The following NLRP1 variants were observed in gnomAD, a reference collection of about 807,000 sequenced individuals.
NLRP1 encodes the protein NLR family pyrin domain containing 1.
In NLRP1, 94 loss-of-function variants were observed where a neutral mutation model predicts 136.7. That is an observed-to-expected ratio of 0.69 (90% confidence interval 0.58 to 0.82). NLRP1 has a LOEUF of 0.82. Among genes scored for constraint, NLRP1 ranks in the 40% least tolerant of loss-of-function variants. NLRP1 has a pLI of 0.00. For synonymous variants in NLRP1, 690 were observed against 725.1 expected, an observed-to-expected ratio of 0.95 and a Z score of 0.78; for missense variants, 1,575 against 1,802.7, an observed-to-expected ratio of 0.87 and a Z score of 2.29.
At chr17:5,524,817 G>C (rs1909325478) in intron 12 of NLRP1, among the ~76,000 whole-genome samples, 1 of 152,202 alleles carries the variant, frequency 6.6e-6, no homozygotes, top group South Asian at 2.1e-4. Flanking sequence ...AGAAGGTGCT[G>C]GGTGTCTCCA....
intron 14 of NLRP1, among the ~76,000 whole-genome samples, chr17:5,520,582 A>G (rs1451588447): frequency 1.3e-5 from 2 of 152,166 alleles, no homozygotes; most frequent in East Asian, 1.9e-4. Flanking sequence ...AGTATGTTCA[A>G]CTACAGGTTT....
chr17:5,523,469 C>T (rs760568015), intron 12 of NLRP1, among the ~76,000 whole-genome samples: 28 of 152,152 alleles, frequency 1.8e-4, no homozygotes, highest in Non-Finnish European at 4.4e-5. Context: ...ACTATCTTCC[C>T]CCCCGCTTAG....
chr17:5,502,905 A>C (rs1907159453), intron 15 of NLRP1: 1 of 152,156 alleles, frequency 6.6e-6, no homozygotes, highest in African/African-American at 2.4e-5. Context: ...GAAGAGTGTC[A>C]AGGGTGGAAT....
chr17:5,582,142 C>G lies in NLRP1; in HGVS notation c.449-80G>C, dbSNP rs1018931969. Reference sequence around the variant, plus strand: ...GTGCATATATTTTAAACTCTCACAACAGTCCTGAGAGATGGGTCTTAATAA... The same window carrying G: ...GTGCATATATTTTAAACTCTCACAAGAGTCCTGAGAGATGGGTCTTAATAA... On this transcript the variant is annotated intron_variant, in intron 2 of 16. Transcript: ENST00000572272. 2.4e-5 allele frequency: 27 copies of G among 1,138,602 alleles called. No homozygotes were observed. In the South Asian group the frequency reaches 3.5e-4, roughly 15 times the overall value. The allele number at this position is 1,138,602 out of a possible 1,614,324, so 70.5% of individuals were successfully genotyped here. A position where few individuals can be genotyped will look rare whatever the true frequency, so the allele number is the denominator to read the frequency against.
At chr17:5,534,615 C>A (rs138219598) in intron 8 of NLRP1, among the ~76,000 whole-genome samples, 1 of 152,250 alleles carries the variant, frequency 6.6e-6, no homozygotes, top group Non-Finnish European at 1.5e-5. Context: ...CAGGCCCTGG[C>A]CTCTGTGGCC....
chr17:5,511,711 C>G (rs1266072717), downstream of NLRP1, among the ~76,000 whole-genome samples: 1 of 151,000 alleles, frequency 6.6e-6, no homozygotes, highest in Non-Finnish European at 1.5e-5. Context: ...GGAGCCCCTC[C>G]TCGCGTAGGT....
At chr17:5,540,900 C>G (rs993592568) in intron 6 of NLRP1, among the ~76,000 whole-genome samples, 1 of 152,056 alleles carries the variant, frequency 6.6e-6, no homozygotes, top group Non-Finnish European at 1.5e-5. Flanking sequence ...AAGGTGTAAA[C>G]AAGGATATTT....
Position 5,506,629 on chromosome 17 carries a change from C to T in NLRP1, c.4070-4757G>A, listed in dbSNP as rs989798095. Among the ~76,000 whole-genome samples, 7 of 151,850 alleles carry T rather than the reference C, an allele frequency of 4.6e-5. 1 individual carries two copies. The highest frequency in any genetic ancestry group is 2.1e-4 in the South Asian group (1 of 4,804). On this transcript the variant is annotated intron_variant, in intron 15 of 15. Transcript: ENST00000262467. ...AATTCTGGCTGGGTGAGGTGGCTCC[C>T]GCCTGTAATCCCAGCACTTTGGGAA...
chr17:5,538,982 G>A (rs543670426), intron 7 of NLRP1, among the ~76,000 whole-genome samples: 1 of 152,278 alleles, frequency 6.6e-6, no homozygotes, highest in East Asian at 1.9e-4. Flanking sequence ...CCAGGCTCAA[G>A]TGATTCTCCC....
At chr17:5,567,379 A>C (rs536428201) in intron 3 of NLRP1, among the ~76,000 whole-genome samples, 1 of 152,176 alleles carries the variant, frequency 6.6e-6, no homozygotes, top group African/African-American at 2.4e-5. Context: ...ACCATCTTAT[A>C]ATCTATTATT....
Position 5,584,280 on chromosome 17 carries a change from G to A in NLRP1, c.-323C>T. 1 of 425,796 alleles carries A rather than the reference G, an allele frequency of 2.3e-6. No individual in the cohort carries two copies. Among genetic ancestry groups the A allele is most frequent in the Non-Finnish European group, 4.3e-6 (1 of 231,222 alleles). 26.4% of individuals were successfully genotyped at this position (425,796 alleles called of 1,614,324 possible). ...GATGTGGTGACGGGAGATGGGGTGT[G>A]GGCAACGCTCACTGTTCTGTGTTCC... On this transcript the variant is annotated 5_prime_UTR_variant, in exon 1 of 17. Coordinates refer to ENST00000572272, the MANE Select transcript of NLRP1 (RefSeq NM_033004.4).
At chr17:5,533,548 T>A (rs1441950167) in intron 9 of NLRP1, among the ~76,000 whole-genome samples, 164 bp from the exon 10 acceptor site, 1 of 134,930 alleles carries the variant, frequency 7.4e-6, no homozygotes, top group African/African-American at 2.7e-5. Flanking sequence ...AGAGTGAGAC[T>A]CTGTTTTTTT....
chr17:5,535,921 T>G (rs973148032), intron 8 of NLRP1, among the ~76,000 whole-genome samples: 10 of 151,966 alleles, frequency 6.6e-5, no homozygotes, highest in Non-Finnish European at 1.2e-4. Flanking sequence ...GTGTGTGTGG[T>G]GGTGGTGGTG....
intron 3 of NLRP1, among the ~76,000 whole-genome samples, chr17:5,573,900 C>T (rs994726140): frequency 3.3e-5 from 5 of 152,186 alleles, no homozygotes; most frequent in African/African-American, 4.8e-5. Flanking sequence ...ATCAGAGCGC[C>T]TCTCCCCCTC....
At chr17:5,501,993 G>T in intron 15 of NLRP1, 1 of 859,246 alleles carries the variant, frequency 1.2e-6, no homozygotes. Context: ...AGAACTCCCT[G>T]CCTCCTGCAA....
intron 10 of NLRP1, 139 bp downstream of exon 10, chr17:5,533,165 A>G: frequency 2.0e-6 from 3 of 1,473,926 alleles, no homozygotes; most frequent in Non-Finnish European, 2.7e-6. Context: ...GCCCCACTCC[A>G]GTGCCTCCAG....
At chr17:5,560,173 GC>G in intron 3 of NLRP1, 130 bp from the exon 4 acceptor site, 1 of 839,402 alleles carries the variant, frequency 1.2e-6, no homozygotes, top group Non-Finnish European at 1.8e-6. Context: ...GTATGTTCTT[GC>G]CATGCGGCGG....
At chr17:5,508,637 G>C (rs1262138693) in intron 15 of NLRP1, among the ~76,000 whole-genome samples, 3 of 152,200 alleles carry the variant, frequency 2.0e-5, no homozygotes, top group Non-Finnish European at 2.9e-5. Context: ...AACAAGAGGA[G>C]AATAGTTAAG....
In NLRP1 at chr17:5,520,706, C is replaced by T. The variant is rs115118896; in HGVS notation, c.3915+175G>A. Among the ~76,000 whole-genome samples the T allele has an allele frequency of 6.6e-3, 1,010 of 152,308 alleles. 10 individuals are homozygous for T. The highest frequency in any genetic ancestry group is 0.023 in the African/African-American group (973 of 41,558). On this transcript the variant is annotated intron_variant, in intron 14 of 16. Transcript: ENST00000572272. ...ATCCTGCATGTGATCCTCCCTCCTC[C>T]GAACTTTCTTTCTCCTAGTCTTGGA...
Sources: gnomAD v4.1 joint callset for allele counts (sites outside exome capture counted in the v4.1 genomes callset) on GRCh38, gnomAD v4.1.1 for gene constraint, MANE v1.5 for transcripts, NCBI Gene and HGNC (gene_info 2026-07-23, HGNC 2026-07-21) for gene names.